Variants in IFT43 observed in about 807,000 individuals in gnomAD.
IFT43 encodes the protein intraflagellar transport 43, also known as intraflagellar transport protein 43 homolog.
A neutral mutation model predicts 32.3 loss-of-function variants in IFT43; 33 were observed. That is an observed-to-expected ratio of 1.02 (90% CI 0.77 to 1.37). IFT43 has a LOEUF of 1.37. IFT43 is among the 40% of genes most tolerant of loss of function. IFT43 has a pLI of 0.00. For missense variants in IFT43, 274 were observed against 265.9 expected, an observed-to-expected ratio of 1.03 and a Z score of -0.21; for synonymous variants, 93 against 98.2, an observed-to-expected ratio of 0.95 and a Z score of 0.31.
chr14:76,009,837 C>G (rs2036047401), intron 2 of IFT43, among the ~76,000 whole-genome samples: 1 of 152,000 alleles, frequency 6.6e-6, no homozygotes, highest in South Asian at 2.1e-4. Context: ...CTGTGTCACC[C>G]AGGCTGGAGT....
At chr14:75,994,886 C>T (rs140312460) in intron 2 of IFT43, among the ~76,000 whole-genome samples, 4 of 152,288 alleles carry the variant, frequency 2.6e-5, no homozygotes, top group Non-Finnish European at 4.4e-5. Context: ...TGCTTTCTAC[C>T]GAAAAGTTAC....
At chr14:76,069,171 G>T (rs2037276514) in intron 5 of IFT43, among the ~76,000 whole-genome samples, 1 of 152,164 alleles carries the variant, frequency 6.6e-6, no homozygotes, top group South Asian at 2.1e-4. Flanking sequence ...AGGGGGAGCA[G>T]GCACGTCACG....
At chr14:76,025,314 GGACTCAATATTGAGTCCATTCATGAA>G (rs976897858) in intron 3 of IFT43, among the ~76,000 whole-genome samples, 3 of 151,950 alleles carry the variant, frequency 2.0e-5, no homozygotes, top group African/African-American at 7.3e-5. Flanking sequence ...CCATTTTCAT[GGACTCAATATTGAGTCCATTCATGAA>G]GACTCAATAT....
chr14:76,021,012 G>A (rs561533130), intron 2 of IFT43, among the ~76,000 whole-genome samples: 22 of 152,240 alleles, frequency 1.4e-4, no homozygotes, highest in Non-Finnish European at 2.4e-4. Context: ...TCCCAGGCTC[G>A]CAGACTATGC....
intron 5 of IFT43, chr14:76,076,594 T>C: frequency 6.2e-7 from 1 of 1,614,118 alleles, no homozygotes; most frequent in Non-Finnish European, 8.5e-7. Context: ...CTTTCTGTTC[T>C]AGCGGTACCC....
At chr14:76,072,122 T>C (rs1256333608) in intron 5 of IFT43, among the ~76,000 whole-genome samples, 2 of 152,236 alleles carry the variant, frequency 1.3e-5, no homozygotes, top group African/African-American at 2.4e-5. Context: ...TTATAGCTCT[T>C]GTGACATGAA....
intron 3 of IFT43, among the ~76,000 whole-genome samples, chr14:76,055,631 A>G (rs1236606307): frequency 2.0e-5 from 3 of 152,222 alleles, no homozygotes; most frequent in Non-Finnish European, 4.4e-5. Flanking sequence ...GCTCCTTGTC[A>G]CTGCACTAGC....
At chr14:76,056,227 G>A (rs543347926) in intron 3 of IFT43, among the ~76,000 whole-genome samples, 10 of 152,266 alleles carry the variant, frequency 6.6e-5, no homozygotes, top group East Asian at 1.9e-4. Context: ...CCCAGAACCC[G>A]TTATTTCTGG....
chr14:75,994,236 T>G (rs1299273130), intron 2 of IFT43, among the ~76,000 whole-genome samples: 2 of 152,160 alleles, frequency 1.3e-5, no homozygotes, highest in African/African-American at 4.8e-5. Flanking sequence ...GATATCTGAT[T>G]CAGTGGCCTC....
intron 2 of IFT43, among the ~76,000 whole-genome samples, chr14:75,990,659 T>C (rs1390224988): frequency 6.6e-6 from 1 of 152,110 alleles, no homozygotes; most frequent in Non-Finnish European, 1.5e-5. Flanking sequence ...AGTGGAGCAT[T>C]GGAGGCACAG....
intron 3 of IFT43, among the ~76,000 whole-genome samples, chr14:76,024,136 C>G (rs2036345488): frequency 6.6e-6 from 1 of 152,094 alleles, no homozygotes; most frequent in Non-Finnish European, 1.5e-5. Flanking sequence ...GATTGATATC[C>G]CCTTGGATTT....
At position 76,024,435 on chromosome 14, in the gene IFT43, C is replaced by A. The variant is rs1258126949; in HGVS notation, c.215+2041C>A. On this transcript the variant is annotated intron_variant, in intron 3 of 8. Coordinates refer to ENST00000314067, the MANE Select transcript of IFT43 (RefSeq NM_001102564.3). ...ACCATGGGTGTCTGATTCAGACATACCAGGGTTTGAATTCAGATTTCAGCA... is the reference window on the plus strand; with the variant it reads ...ACCATGGGTGTCTGATTCAGACATAACAGGGTTTGAATTCAGATTTCAGCA... 2.0e-5 allele frequency among the ~76,000 whole-genome samples: 3 copies of A among 152,276 alleles called. No homozygotes were observed. The East Asian group carries it at 5.8e-4, about 29-fold the overall frequency.
chr14:75,991,056 C>T (rs760305829), intron 2 of IFT43, among the ~76,000 whole-genome samples: 2 of 152,206 alleles, frequency 1.3e-5, no homozygotes, highest in Non-Finnish European at 2.9e-5. Context: ...TAAGGCTAGG[C>T]ACAGTGGCTG....
intron 2 of IFT43, among the ~76,000 whole-genome samples, chr14:76,004,750 T>A (rs2035951036): frequency 6.6e-6 from 1 of 152,192 alleles, no homozygotes; most frequent in Non-Finnish European, 1.5e-5. Context: ...TCTTTTGTCC[T>A]TTTGTCCTTC....
At chr14:76,053,950 G>A (rs1360024086) in intron 3 of IFT43, among the ~76,000 whole-genome samples, 3 of 152,148 alleles carry the variant, frequency 2.0e-5, no homozygotes, top group Non-Finnish European at 2.9e-5. Context: ...GGACCATTCA[G>A]GCCCCTTGCT....
intron 2 of IFT43, among the ~76,000 whole-genome samples, chr14:76,009,228 T>C (rs1158799029): frequency 6.6e-6 from 1 of 152,232 alleles, no homozygotes; most frequent in Non-Finnish European, 1.5e-5. Context: ...ACACCTGGGT[T>C]TGAATCCTTG....
At chr14:76,066,651 A>G (rs2037228828) in intron 5 of IFT43, among the ~76,000 whole-genome samples, 1 of 152,202 alleles carries the variant, frequency 6.6e-6, no homozygotes, top group African/African-American at 2.4e-5. Flanking sequence ...CCATTCAGCA[A>G]TGACATTAAG....
At chr14:76,039,818 A>G (rs2036672147) in intron 3 of IFT43, among the ~76,000 whole-genome samples, 1 of 152,172 alleles carries the variant, frequency 6.6e-6, no homozygotes, top group African/African-American at 2.4e-5. Context: ...TTCTCTCCAA[A>G]GGTACTCTAT....
At chr14:75,999,281 A>ATATATATAT in intron 2 of IFT43, among the ~76,000 whole-genome samples, 1 of 39,062 alleles carries the variant, frequency 2.6e-5, no homozygotes, top group African/African-American at 1.2e-4. Context: ...ATGTATATAT[A>ATATATATAT]TTTTTTTTTT....
Sources: allele counts gnomAD v4.1 joint callset (sites outside exome capture counted in the v4.1 genomes callset), GRCh38; gene constraint gnomAD v4.1.1; transcripts MANE v1.5; gene names NCBI Gene and HGNC (gene_info 2026-07-23, HGNC 2026-07-21).